INPP4A: variants seen among roughly 807,000 people sequenced by gnomAD.
INPP4A encodes the protein inositol polyphosphate-4-phosphatase type I A.
Under a neutral mutation model 119.8 loss-of-function variants are expected in INPP4A, and 33 were observed. The ratio of observed to expected loss-of-function variants is 0.28; its 90% CI spans 0.21 to 0.37. The LOEUF (loss-of-function observed/expected upper bound fraction) is 0.37, where lower values mean the gene tolerates loss of function less well. Among genes scored for constraint, INPP4A ranks in the 10% least tolerant of loss-of-function variants. INPP4A has a pLI of 1.00. For synonymous variants in INPP4A, 496 were observed against 500.7 expected (o/e 0.99, Z 0.12); for missense variants, 956 against 1,289.9 (o/e 0.74, Z 3.97).
rs1220962309 is a variant in INPP4A at position 98,587,800 on chromosome 2, G to A, written c.*192G>A. 1 of 500,704 alleles carries A rather than the reference G, an allele frequency of 2.0e-6. No homozygotes were observed. The highest frequency in any genetic ancestry group is 3.5e-5 in the East Asian group (1 of 28,420). The allele number at this position is 500,704 out of a possible 1,614,324, so 31.0% of individuals were successfully genotyped here. On this transcript the variant is annotated 3_prime_UTR_variant, in exon 25 of 25. Transcript: ENST00000409851. ...GTTTTTTTCCCCATTGGAATCAATA[G>A]GAGGTAATGTTTGGCTCAATAGTGT...
intron 16 of INPP4A, among the ~76,000 whole-genome samples, chr2:98,559,249 G>A (rs1007485630): frequency 2.0e-5 from 3 of 152,226 alleles, no homozygotes; most frequent in East Asian, 3.8e-4. Flanking sequence ...ATCTGTCATT[G>A]TTTACCACTG....
chr2:98,557,594 C>T (rs957557900), intron 16 of INPP4A, among the ~76,000 whole-genome samples: 5 of 152,210 alleles, frequency 3.3e-5, no homozygotes, highest in Admixed American at 2.0e-4. Flanking sequence ...GTGAGAATAA[C>T]TCTGTACTGC....
chr2:98,499,747 C>T (rs1413515128), intron 1 of INPP4A, among the ~76,000 whole-genome samples: 2 of 152,204 alleles, frequency 1.3e-5, no homozygotes, highest in Non-Finnish European at 2.9e-5. Context: ...TCCTATATGT[C>T]TCTTATCTTC....
At chr2:98,461,748 C>T (rs1697187318) in intron 1 of INPP4A, among the ~76,000 whole-genome samples, 1 of 152,202 alleles carries the variant, frequency 6.6e-6, no homozygotes, top group South Asian at 2.1e-4. Context: ...CAGTTTTCCA[C>T]ATCCCTGGTG....
At chr2:98,523,418 G>A (rs544316590) in intron 4 of INPP4A, among the ~76,000 whole-genome samples, 9 of 147,764 alleles carry the variant, frequency 6.1e-5, no homozygotes, top group African/African-American at 2.3e-4. Context: ...TTTTTGAGAC[G>A]GAGTCTCTCT....
At chr2:98,547,052 T>G (rs1320686933) in intron 13 of INPP4A, among the ~76,000 whole-genome samples, 1 of 152,224 alleles carries the variant, frequency 6.6e-6, no homozygotes, top group African/African-American at 2.4e-5. Flanking sequence ...GCATGTTGTT[T>G]CCTAGAGGAC....
chr2:98,466,884 G>A lies in INPP4A; in HGVS notation c.-166+21799G>A, dbSNP rs145716188. ...GAATGCCGAGTTTCTTAGAGTAGCC[G>A]GGAAAGGGCCTTTTTCTTTTCCTCT... On this transcript the variant is annotated intron_variant, in intron 1 of 24. Coordinates refer to ENST00000409851, the MANE Select transcript of INPP4A (RefSeq NM_001134225.2). Among the ~76,000 whole-genome samples the A allele has an allele frequency of 6.7e-3, 1,016 of 152,278 alleles. 18 individuals are homozygous for A. Among genetic ancestry groups the A allele is most frequent in the African/African-American group, 0.023 (947 of 41,560 alleles).
intron 1 of INPP4A, among the ~76,000 whole-genome samples, chr2:98,480,413 G>A (rs939081926): frequency 1.3e-5 from 2 of 152,252 alleles, no homozygotes. Flanking sequence ...GAGAGGTGGA[G>A]TGACTTACCA....
At chr2:98,545,596 C>A (rs747471191) in intron 11 of INPP4A, among the ~76,000 whole-genome samples, 2 of 152,114 alleles carry the variant, frequency 1.3e-5, no homozygotes, top group African/African-American at 2.4e-5. Context: ...TGGCGTGGAC[C>A]CCTTTGCTTA....
chr2:98,513,685 G>A (rs1403332971), intron 1 of INPP4A, among the ~76,000 whole-genome samples: 1 of 152,216 alleles, frequency 6.6e-6, no homozygotes, highest in Non-Finnish European at 1.5e-5. Flanking sequence ...CTTGTCTTTG[G>A]AGTGGAGCCT....
chr2:98,560,440 C>T (rs1278284789), intron 17 of INPP4A, among the ~76,000 whole-genome samples: 3 of 152,196 alleles, frequency 2.0e-5, no homozygotes, highest in Non-Finnish European at 2.9e-5. Context: ...GTGGCAGCTC[C>T]TGGCAGCAAC....
intron 1 of INPP4A, among the ~76,000 whole-genome samples, chr2:98,486,782 G>C (rs1283745534): frequency 6.6e-6 from 1 of 152,272 alleles, no homozygotes; most frequent in African/African-American, 2.4e-5. Context: ...TCAGCCTGGA[G>C]GGAGCTGATG....
At chr2:98,533,638 A>G in intron 5 of INPP4A, 143 bp downstream of exon 5, 1 of 602,752 alleles carries the variant, frequency 1.7e-6, no homozygotes, top group Non-Finnish European at 3.0e-6. Context: ...TTTTCAGTAC[A>G]TTGATATTTT....
intron 1 of INPP4A, among the ~76,000 whole-genome samples, chr2:98,461,375 C>G (rs1697123163): frequency 6.6e-6 from 1 of 152,218 alleles, no homozygotes; most frequent in African/African-American, 2.4e-5. Flanking sequence ...CTGCCAGCAA[C>G]AGGTGTGGGC....
rs770046161 is a variant in INPP4A at position 98,554,431 on chromosome 2, G to C, written c.1508G>C (p.Arg503Pro). Reference protein sequence around the residue: ...LRNDQDTLMARWTGRNSRSSL... With the variant: ...LRNDQDTLMAPWTGRNSRSSL... Reference sequence around the variant, plus strand: ...AATGACCAGGACACCCTCATGGCCCGGTGGACAGGGAGAAACAGCCGATCT... The same window carrying C: ...AATGACCAGGACACCCTCATGGCCCCGTGGACAGGGAGAAACAGCCGATCT... Residue 503 changes from arginine (R) to proline (P), a missense_variant, in exon 15 of 25, where the codon CGG (arginine) becomes CCG (proline). Arg to Pro is a moderately radical substitution (Grantham distance 103). Transcript: ENST00000409851. The surrounding 1 kb of genome is among the most constrained non-coding windows in gnomAD (Gnocchi z 4.7). The C allele has an allele frequency of 1.2e-6, 2 of 1,613,754 alleles. No homozygotes were observed. The highest frequency in any genetic ancestry group is 1.7e-6 in the Non-Finnish European group (2 of 1,179,866).
At chr2:98,514,195 T>C (rs1208661017) in intron 1 of INPP4A, among the ~76,000 whole-genome samples, 1 of 152,058 alleles carries the variant, frequency 6.6e-6, no homozygotes, top group African/African-American at 2.4e-5. Flanking sequence ...AGTGGTGAGG[T>C]CCAAGCCTAG....
At chr2:98,456,647 C>T (rs1696195171) in intron 1 of INPP4A, among the ~76,000 whole-genome samples, 4 of 152,152 alleles carry the variant, frequency 2.6e-5, no homozygotes, top group Admixed American at 2.0e-4. Flanking sequence ...GCTACTTTTA[C>T]GTTTTTCATT....
At chr2:98,559,017 G>C (rs922296602) in intron 16 of INPP4A, among the ~76,000 whole-genome samples, 2 of 152,224 alleles carry the variant, frequency 1.3e-5, no homozygotes, top group African/African-American at 4.8e-5. Flanking sequence ...CGGTGAATCA[G>C]AGCAGTGGGA....
At chr2:98,455,108 G>T (rs756227838) in intron 1 of INPP4A, among the ~76,000 whole-genome samples, 1 of 152,160 alleles carries the variant, frequency 6.6e-6, no homozygotes, top group Non-Finnish European at 1.5e-5. Flanking sequence ...GGAGGCCAAG[G>T]CAGGAGGATC....
Sources: gnomAD v4.1 joint callset for allele counts (sites outside exome capture counted in the v4.1 genomes callset) on GRCh38, gnomAD v4.1.1 for gene constraint, Gnocchi (gnomAD v3.1) non-coding constraint, MANE v1.5 for transcripts, NCBI Gene and HGNC (gene_info 2026-07-23, HGNC 2026-07-21) for gene names.